Variants in BASP1 observed in about 807,000 individuals in gnomAD.
The protein encoded by BASP1 is brain abundant membrane attached signal protein 1, also known as brain acid soluble protein 1.
BASP1 carries 1 observed loss-of-function variant against 2.2 expected under a neutral mutation model. That is an observed-to-expected ratio of 0.46 (90% CI 0.16 to 2.17). The LOEUF is 2.17. Among genes scored for constraint, BASP1 ranks in the 30% most tolerant of loss-of-function variants. The pLI, the probability that BASP1 is intolerant of heterozygous loss-of-function variation, is 0.27. For missense variants in BASP1, 352 were observed against 327.2 expected (o/e 1.08, Z -0.58); for synonymous variants, 187 against 154.2 (o/e 1.21, Z -1.58).
rs780702456 is a variant in BASP1 at position 17,275,756 on chromosome 5, C to T, written c.540C>T (p.Ala180=). Residue 180 remains alanine, a synonymous_variant, in exon 2 of 2, where the codon GCC becomes GCT. Coordinates refer to ENST00000322611, the MANE Select transcript of BASP1 (RefSeq NM_006317.5). The surrounding 1 kb of genome is among the most constrained non-coding windows in gnomAD (Gnocchi z 5.3). ...CAAAACCCGGCAGCTCGGAGGCTGC[C>T]CCCTCTTCCAAGGAGACCCCCGCAG... ...SDSKPGSSEA[A]PSSKETPAAT... is the part of the protein sequence containing the mutation. The T allele has an allele frequency of 9.9e-6, 16 of 1,612,328 alleles. No individual in the cohort carries two copies. The highest frequency in any genetic ancestry group is 6.7e-5 in the Admixed American group (4 of 59,882).
At chr5:17,217,178 G>A (rs1232095722), upstream of BASP1, 1 of 127,462 alleles carries the variant, frequency 7.8e-6, no homozygotes, top group Non-Finnish European at 1.6e-5. Flanking sequence ...AGGAATGGAG[G>A]AGAGGAGAGG....
intron 1 of BASP1, among the ~76,000 whole-genome samples, chr5:17,230,226 A>G (rs959940375): frequency 6.6e-6 from 1 of 152,194 alleles, no homozygotes; most frequent in Non-Finnish European, 1.5e-5. Flanking sequence ...TTAGGGATTC[A>G]TTAGACAGAC....
At position 17,268,445 on chromosome 5, in the gene BASP1, T is replaced by C. The variant is rs190045466; in HGVS notation, c.-9-6763T>C. ...AGGAAAGTTCTGGATGAGTTGGTCA[T>C]GTCAGCAGCCAAATCATGGTTGTTT... On this transcript the variant is annotated intron_variant, in intron 1 of 1. Coordinates refer to ENST00000322611, the MANE Select transcript of BASP1 (RefSeq NM_006317.5). Among the ~76,000 whole-genome samples, 4 of 152,232 alleles carry C rather than the reference T, an allele frequency of 2.6e-5. No individual in the cohort carries two copies. In the East Asian group the frequency reaches 7.7e-4, roughly 29 times the overall value.
At chr5:17,217,434 G>T (rs1488425724), upstream of BASP1, 1 of 66,000 alleles carries the variant, frequency 1.5e-5, no homozygotes, top group African/African-American at 4.5e-5. Flanking sequence ...GGGAGTGCAG[G>T]GGGTGGGGAG....
rs879885655 is a variant in BASP1, at chr5:17,250,295, G to A, written c.-9-24913G>A. On this transcript the variant is annotated intron_variant, in intron 1 of 1. Transcript: ENST00000322611. ...CCACTTGACTTTAAAAGGTCGCTTT[G>A]TTCTTTACAAAACTTTGCACTTCGT... is the stretch of plus-strand genomic sequence containing the variant. Among the ~76,000 whole-genome samples, 3 of 152,160 alleles carry A rather than the reference G, an allele frequency of 2.0e-5. No individual in the cohort carries two copies. The East Asian group carries it at 5.8e-4, about 29-fold the overall frequency.
At chr5:17,219,915 C>CA (rs1197891155) in intron 1 of BASP1, among the ~76,000 whole-genome samples, 1 of 152,146 alleles carries the variant, frequency 6.6e-6, no homozygotes, top group East Asian at 1.9e-4. Context: ...CCTTTTTCCC[C>CA]ATTACCTAAC....
chr5:17,250,778 G>C (rs1446517123), intron 1 of BASP1, among the ~76,000 whole-genome samples: 4 of 151,994 alleles, frequency 2.6e-5, no homozygotes, highest in Non-Finnish European at 5.9e-5. Context: ...CTAATTTGTT[G>C]TATTTTTAGT....
At chr5:17,232,498 C>T (rs1739653090) in intron 1 of BASP1, among the ~76,000 whole-genome samples, 1 of 152,314 alleles carries the variant, frequency 6.6e-6, no homozygotes, top group African/African-American at 2.4e-5. Context: ...GTGAGTTCTA[C>T]GAGGTTAGGA....
At chr5:17,217,060 G>A (rs1328397064), upstream of BASP1, 1 of 99,974 alleles carries the variant, frequency 1.0e-5, no homozygotes, top group African/African-American at 3.5e-5. Flanking sequence ...GGGGGAGAGA[G>A]AGAGAGAGAG....
intron 1 of BASP1, among the ~76,000 whole-genome samples, chr5:17,259,400 GCATAGTATT>G (rs1370657735): frequency 2.0e-5 from 3 of 152,146 alleles, no homozygotes; most frequent in African/African-American, 7.2e-5. Context: ...AACCATATCA[GCATAGTATT>G]CATCTTTGGA....
chr5:17,233,393 C>T (rs1024234322), intron 1 of BASP1, among the ~76,000 whole-genome samples: 12 of 152,180 alleles, frequency 7.9e-5, no homozygotes. Flanking sequence ...TATCTCCTTC[C>T]CCTTCTTTGT....
Position 17,236,616 on chromosome 5 carries a change from C to G in BASP1, c.-10+18806C>G, listed in dbSNP as rs1739753518. Among the ~76,000 whole-genome samples the G allele has an allele frequency of 6.6e-6, 1 of 152,120 alleles. No homozygotes were observed. Among genetic ancestry groups the G allele is most frequent in the Non-Finnish European group, 1.5e-5 (1 of 68,014 alleles). On this transcript the variant is annotated intron_variant, in intron 1 of 1. Transcript: ENST00000322611. This position sits in a 1 kb window ranked among gnomAD's most constrained non-coding sequence, Gnocchi z 4.0. ...TGTTCACTGTTTGTTCATATCCTCT[C>G]CTGTGTAGTTAGATGGCTACTGAAT...
intron 1 of BASP1, among the ~76,000 whole-genome samples, chr5:17,237,332 A>C (rs978809898): frequency 2.6e-5 from 4 of 152,196 alleles, no homozygotes; most frequent in African/African-American, 7.2e-5. Flanking sequence ...CGACACAGCG[A>C]GACTCCGTCT....
chr5:17,242,966 T>G (rs1391863408), intron 1 of BASP1, among the ~76,000 whole-genome samples: 1 of 152,110 alleles, frequency 6.6e-6, no homozygotes, highest in Non-Finnish European at 1.5e-5. Context: ...AAAATGTTTT[T>G]TAAGTGTTGT....
intron 1 of BASP1, among the ~76,000 whole-genome samples, chr5:17,266,755 T>C (rs1740422188): frequency 7.0e-6 from 1 of 143,438 alleles, no homozygotes; most frequent in African/African-American, 2.7e-5. Context: ...CAAGTTGCAG[T>C]GAGCCGAGAT....
chr5:17,225,904 G>A (rs1739493275), intron 1 of BASP1, among the ~76,000 whole-genome samples: 1 of 152,178 alleles, frequency 6.6e-6, no homozygotes, highest in Admixed American at 6.5e-5. Context: ...TTCTGAAGTA[G>A]TCCTTAAAAT....
intron 1 of BASP1, among the ~76,000 whole-genome samples, chr5:17,246,208 G>A (rs1018598389): frequency 6.6e-6 from 1 of 152,094 alleles, no homozygotes; most frequent in Admixed American, 6.5e-5. Context: ...CTGGCCGGGC[G>A]CGGTGGCTCA....
rs368790863 is a variant in BASP1 at position 17,244,968 on chromosome 5, C to G, written c.-10+27158C>G. 3.4e-3 allele frequency among the ~76,000 whole-genome samples: 514 copies of G among 149,648 alleles called. 1 individual carries two copies. Among genetic ancestry groups the G allele is most frequent in the African/African-American group, 0.012 (480 of 41,054 alleles). ...GGGATTACAGGCGTGAGCCACCATG[C>G]CCAGCCGATACTATAATTATAGTTT... On this transcript the variant is annotated intron_variant, in intron 1 of 1. Coordinates refer to ENST00000322611, the MANE Select transcript of BASP1 (RefSeq NM_006317.5).
At chr5:17,250,475 T>C (rs540344798) in intron 1 of BASP1, among the ~76,000 whole-genome samples, 1 of 152,356 alleles carries the variant, frequency 6.6e-6, no homozygotes, top group East Asian at 1.9e-4. Context: ...TGAACAGACT[T>C]GGCATTTTTA....
Sources: gnomAD v4.1 joint callset for allele counts (sites outside exome capture counted in the v4.1 genomes callset) on GRCh38, gnomAD v4.1.1 for gene constraint, Gnocchi (gnomAD v3.1) non-coding constraint, MANE v1.5 for transcripts, NCBI Gene and HGNC (gene_info 2026-07-23, HGNC 2026-07-21) for gene names.